ELF4: variants seen among roughly 807,000 people sequenced by gnomAD.
ELF4 encodes E74 like ETS transcription factor 4.
Under a neutral mutation model 31.7 loss-of-function variants are expected in ELF4, and 10 were observed. The ratio of observed to expected loss-of-function variants is 0.32; its 90% confidence interval spans 0.19 to 0.54. ELF4 has a LOEUF of 0.54. ELF4 is among the 20% of genes least tolerant of loss of function. ELF4 has a pLI of 0.95. For missense variants in ELF4, 418 were observed against 522.0 expected (o/e 0.80, Z 1.94); for synonymous variants, 208 against 226.7 (o/e 0.92, Z 0.74).
In ELF4 at chrX:130,066,493, C is replaced by CT. The variant is rs1932673873; in HGVS notation, c.*227dup. Reference sequence around the variant, plus strand: ...TCCATCACCAAGTCAGCCCGTTATGCTGCCAAAAGCATATGCCCTAGTGCT... The same window carrying CT: ...TCCATCACCAAGTCAGCCCGTTATGCTTGCCAAAAGCATATGCCCTAGTGCT... On this transcript the variant is annotated 3_prime_UTR_variant, in exon 9 of 9. Transcript: ENST00000308167. The CT allele has an allele frequency of 2.5e-6, 1 of 394,097 alleles. No individual in the cohort carries two copies. Among genetic ancestry groups the CT allele is most frequent in the Non-Finnish European group, 4.3e-6 (1 of 229,940 alleles). The allele number at this position is 394,097 out of a possible 1,213,427, so 32.5% of individuals were successfully genotyped here.
intron 1 of ELF4, among the ~76,000 whole-genome samples, chrX:130,100,016 T>G: frequency 9.0e-6 from 1 of 111,290 alleles, no homozygotes; most frequent in South Asian, 3.9e-4. Context: ...AGTGGTCACC[T>G]GGTGGGGCCA....
At chrX:130,111,074 C>G (rs1603214854), upstream of ELF4, among the ~76,000 whole-genome samples, 1 of 107,211 alleles carries the variant, frequency 9.3e-6, no homozygotes, top group East Asian at 3.0e-4. Flanking sequence ...CCCCGGCCCG[C>G]CCGCCGCGGT....
intron 2 of ELF4, among the ~76,000 whole-genome samples, chrX:130,078,759 CTCT>C (rs1360928332): frequency 3.8e-5 from 3 of 79,827 alleles, no homozygotes; most frequent in African/African-American, 1.5e-4. Context: ...CTCTCTCTCT[CTCT>C]ACACACACAC....
chrX:130,087,168 C>T (rs1043721816), intron 1 of ELF4, among the ~76,000 whole-genome samples: 10 of 112,663 alleles, frequency 8.9e-5, no homozygotes, highest in Admixed American at 6.6e-4. Flanking sequence ...GCTTCATGCA[C>T]GAAGCACAGG....
intron 1 of ELF4, among the ~76,000 whole-genome samples, chrX:130,082,672 G>A (rs1038398704): frequency 9.0e-6 from 1 of 111,482 alleles, no homozygotes; most frequent in African/African-American, 3.3e-5. Flanking sequence ...CCTCATCTGC[G>A]TGTTGTGGGT....
intron 1 of ELF4, among the ~76,000 whole-genome samples, chrX:130,109,729 G>C (rs896260387): frequency 8.9e-6 from 1 of 112,823 alleles, no homozygotes; most frequent in Non-Finnish European, 1.9e-5. Context: ...CGCACGGTGC[G>C]GCTGCTGAAT....
At chrX:130,097,911 C>T (rs1045171730) in intron 1 of ELF4, among the ~76,000 whole-genome samples, 1 of 112,660 alleles carries the variant, frequency 8.9e-6, no homozygotes, top group Admixed American at 9.3e-5. Flanking sequence ...GCCTGGGCTC[C>T]GGTTTCCCCC....
At chrX:130,093,107 C>T (rs931192481) in intron 1 of ELF4, among the ~76,000 whole-genome samples, 1 of 110,287 alleles carries the variant, frequency 9.1e-6, no homozygotes, top group Non-Finnish European at 1.9e-5. Context: ...GTCAGGAGTT[C>T]GAGACCAGCC....
At chrX:130,084,109 T>C (rs1932927901) in intron 1 of ELF4, among the ~76,000 whole-genome samples, 1 of 112,423 alleles carries the variant, frequency 8.9e-6, no homozygotes, top group African/African-American at 3.2e-5. Flanking sequence ...GTGCAGGGTG[T>C]GTGCATGTGT....
intron 2 of ELF4, among the ~76,000 whole-genome samples, chrX:130,079,784 G>T (rs975658663): frequency 8.9e-6 from 1 of 111,994 alleles, no homozygotes. Context: ...ATGAAGAAAA[G>T]AAACAGTTGC....
intron 1 of ELF4, among the ~76,000 whole-genome samples, chrX:130,092,640 C>A (rs996990496): frequency 8.9e-6 from 1 of 111,874 alleles, no homozygotes; most frequent in African/African-American, 3.3e-5. Context: ...CCTTAGAGGA[C>A]TGGATAAAAA....
intron 4 of ELF4, among the ~76,000 whole-genome samples, chrX:130,073,639 G>A (rs1295045643): frequency 4.4e-5 from 5 of 112,565 alleles, no homozygotes; most frequent in Non-Finnish European, 7.5e-5. Flanking sequence ...AGCCTCCTGA[G>A]TAGCTGGGAT....
intron 1 of ELF4, among the ~76,000 whole-genome samples, chrX:130,088,386 C>T (rs1202328525): frequency 9.0e-6 from 1 of 110,613 alleles, no homozygotes; most frequent in African/African-American, 3.3e-5. Flanking sequence ...CTGTAGAGAC[C>T]CCAAGATGTG....
At position 130,067,387 on chromosome X, in the gene ELF4, G is replaced by A. The variant is rs139671354; in HGVS notation, c.1326C>T (p.Leu442=). 12 of 1,210,621 alleles carry A rather than the reference G, an allele frequency of 9.9e-6. No individual in the cohort carries two copies. The African/African-American group carries it at 1.2e-4, about 12-fold the overall frequency. The change falls in exon 9 of 9, where the codon CTC becomes CTT. Residue 442 remains leucine (L), a synonymous_variant. Coordinates refer to ENST00000308167, the MANE Select transcript of ELF4 (RefSeq NM_001421.4). ...AGGCCGCTGGAACACTCTGGAGAAC[G>A]AGCTGAGTGGGAGCAGTAGTACTGG... ...PPASTTAPTQ[L]VLQSVPAAST... is the part of the protein sequence containing the mutation.
At chrX:130,095,086 C>A (rs764449594) in intron 1 of ELF4, among the ~76,000 whole-genome samples, 1 of 111,394 alleles carries the variant, frequency 9.0e-6, no homozygotes, top group South Asian at 3.7e-4. Context: ...CTCTCTGATA[C>A]CACTTCAAGT....
At chrX:130,098,264 T>A (rs771527956) in intron 1 of ELF4, among the ~76,000 whole-genome samples, 1 of 111,592 alleles carries the variant, frequency 9.0e-6, no homozygotes, top group African/African-American at 3.3e-5. Flanking sequence ...TTTTAAATTG[T>A]ACCTTCTCTA....
rs1296111216 is a variant in ELF4 at position 130,063,969 on chromosome X, ATTT to A, written c.*2749_*2751del. 1.4e-5 allele frequency among the ~76,000 whole-genome samples: 1 copy of A among 70,116 alleles called. No individual in the cohort carries two copies. Among genetic ancestry groups the A allele is most frequent in the South Asian group, 6.5e-4 (1 of 1,531 alleles). 60.9% of individuals were successfully genotyped at this position (70,116 alleles called of 115,157 possible). ...TCGTGACGGCCTTTTTGTTTGCTTG[ATTT>A]TTATTATTATTATTATTATTATTAT... On this transcript the variant is annotated 3_prime_UTR_variant, in exon 9 of 9. Transcript: ENST00000308167.
At chrX:130,084,335 A>C (rs1932931250) in intron 1 of ELF4, among the ~76,000 whole-genome samples, 1 of 112,295 alleles carries the variant, frequency 8.9e-6, no homozygotes, top group African/African-American at 3.2e-5. Context: ...CCAGCTAGAT[A>C]TGTGGCCCAT....
At chrX:130,109,587 T>C (rs1933437129) in intron 1 of ELF4, among the ~76,000 whole-genome samples, 1 of 110,311 alleles carries the variant, frequency 9.1e-6, no homozygotes, top group African/African-American at 3.3e-5. Flanking sequence ...AGGAAGGTGA[T>C]GTGCAGGCAT....
Sources: gnomAD v4.1 joint callset for allele counts (sites outside exome capture counted in the v4.1 genomes callset) on GRCh38, gnomAD v4.1.1 for gene constraint, MANE v1.5 for transcripts, NCBI Gene and HGNC (gene_info 2026-07-23, HGNC 2026-07-21) for gene names.